Variants in TASP1 observed in about 807,000 individuals in gnomAD.
The protein encoded by TASP1 is threonine aspartase 1.
Under a neutral mutation model 56.6 loss-of-function variants are expected in TASP1, and 16 were observed. The ratio of observed to expected loss-of-function variants is 0.28; its 90% confidence interval spans 0.19 to 0.43. The LOEUF is 0.43. Among genes scored for constraint, TASP1 ranks in the 20% least tolerant of loss-of-function variants. The pLI, the probability that TASP1 is intolerant of heterozygous loss-of-function variation, is 1.00. For synonymous variants in TASP1, 179 were observed against 184.2 expected, an observed-to-expected ratio of 0.97 and a Z score of 0.23; for missense variants, 393 against 511.6, an observed-to-expected ratio of 0.77 and a Z score of 2.24.
intron 11 of TASP1, 93 bp downstream of exon 11, chr20:13,483,134 C>A: frequency 1.1e-6 from 1 of 900,684 alleles, no homozygotes. Context: ...AGAGGTAGGT[C>A]TAGAAATACA....
At chr20:13,272,068 C>T in the TASP1 span, among the ~76,000 whole-genome samples, 1 of 152,200 alleles carries the variant, frequency 6.6e-6, no homozygotes, top group East Asian at 1.9e-4. Flanking sequence ...TATGAGCCAC[C>T]ACAGCCAGCC....
intron 11 of TASP1, among the ~76,000 whole-genome samples, chr20:13,458,581 T>C (rs2043933892): frequency 1.3e-5 from 2 of 152,024 alleles, no homozygotes; most frequent in Admixed American, 1.3e-4. Context: ...CCTTGGATGA[T>C]CCACCTGCCT....
the TASP1 span, chr20:13,167,463 A>C: frequency 4.6e-5 from 7 of 152,220 alleles, no homozygotes; most frequent in African/African-American, 1.7e-4. Context: ...ACACATGCAC[A>C]CACACATACA....
chr20:13,289,447 T>C, the TASP1 span, among the ~76,000 whole-genome samples: 1 of 152,188 alleles, frequency 6.6e-6, no homozygotes, highest in Non-Finnish European at 1.5e-5. Flanking sequence ...GCATTGTCAG[T>C]GCTTCAAAAA....
chr20:13,545,144 G>C (rs184869768), intron 8 of TASP1, among the ~76,000 whole-genome samples: 1 of 152,172 alleles, frequency 6.6e-6, no homozygotes, highest in Admixed American at 6.5e-5. Flanking sequence ...GACGATTAAA[G>C]ATAAGCATAT....
the TASP1 span, among the ~76,000 whole-genome samples, chr20:13,254,124 T>C: frequency 2.6e-5 from 4 of 151,086 alleles, no homozygotes. Context: ...TCCCAGCTAC[T>C]TGGGAGACTG....
At chr20:13,212,783 G>C in the TASP1 span, among the ~76,000 whole-genome samples, 1 of 152,176 alleles carries the variant, frequency 6.6e-6, no homozygotes, top group South Asian at 2.1e-4. Flanking sequence ...TCCAAAACGT[G>C]TAAACAGCTC....
At chr20:13,372,964 T>C in the TASP1 span, among the ~76,000 whole-genome samples, 3 of 152,154 alleles carry the variant, frequency 2.0e-5, no homozygotes, top group Non-Finnish European at 4.4e-5. Flanking sequence ...ATATTACATC[T>C]ATAGATGCCA....
the TASP1 span, chr20:13,221,670 C>A: frequency 1.0e-6 from 1 of 997,096 alleles, no homozygotes; most frequent in Non-Finnish European, 1.3e-6. Context: ...GGAGCCGAGG[C>A]GGGAGCCGCG....
chr20:13,465,341 C>G (rs1414152267), intron 11 of TASP1, among the ~76,000 whole-genome samples: 1 of 151,772 alleles, frequency 6.6e-6, no homozygotes, highest in African/African-American at 2.4e-5. Context: ...TAGTGACAAA[C>G]CTAGCAAAGA....
the TASP1 span, among the ~76,000 whole-genome samples, chr20:13,371,270 G>A: frequency 7.9e-5 from 12 of 151,948 alleles, no homozygotes; most frequent in Non-Finnish European, 1.6e-4. Flanking sequence ...GTTGATATGG[G>A]ATCTTTCTTC....
the TASP1 span, among the ~76,000 whole-genome samples, chr20:13,375,470 A>G: frequency 6.6e-6 from 1 of 152,072 alleles, no homozygotes. Flanking sequence ...CATTTTCTTT[A>G]TCCAGTCTAT....
At chr20:13,202,159 G>A in the TASP1 span, among the ~76,000 whole-genome samples, 1 of 152,180 alleles carries the variant, frequency 6.6e-6, no homozygotes, top group Non-Finnish European at 1.5e-5. Flanking sequence ...AGCTTTGCAG[G>A]GAGAAAGGAA....
rs375701890 is a variant in TASP1 at position 13,396,530 on chromosome 20, G to C, written c.1171-6078C>G. 2.8e-4 allele frequency among the ~76,000 whole-genome samples: 42 copies of C among 152,278 alleles called. No individual in the cohort carries two copies. The East Asian group carries it at 4.8e-3, about 17-fold the overall frequency. On this transcript the variant is annotated intron_variant, in intron 13 of 13. Transcript: ENST00000337743. ...TGAAGACTGGGTTAGATGGTCTCTA[G>C]AGCATCCTTTCAGAGTTTGGACAAT...
intron 10 of TASP1, among the ~76,000 whole-genome samples, chr20:13,514,763 A>T (rs140595505): frequency 8.5e-5 from 13 of 152,186 alleles, no homozygotes; most frequent in African/African-American, 3.1e-4. Context: ...AAAACACAAC[A>T]TACAAATAAG....
chr20:13,164,888 A>G, the TASP1 span: 11 of 1,593,568 alleles, frequency 6.9e-6, no homozygotes, highest in Non-Finnish European at 9.4e-6. Flanking sequence ...CCTGAATGAC[A>G]CATAAAGACT....
intron 6 of TASP1, among the ~76,000 whole-genome samples, chr20:13,574,666 T>G (rs1255712637): frequency 6.6e-6 from 1 of 151,938 alleles, no homozygotes; most frequent in Admixed American, 6.6e-5. Context: ...CTTGTAGAGA[T>G]AAAAATAACA....
At chr20:13,530,558 T>A (rs896007343) in intron 9 of TASP1, among the ~76,000 whole-genome samples, 2 of 152,222 alleles carry the variant, frequency 1.3e-5, no homozygotes, top group Admixed American at 1.3e-4. Flanking sequence ...TATCATCTTT[T>A]ACGTCCCCCA....
At chr20:13,465,741 T>C (rs1433327456) in intron 11 of TASP1, among the ~76,000 whole-genome samples, 4 of 148,650 alleles carry the variant, frequency 2.7e-5, no homozygotes, top group Non-Finnish European at 5.9e-5. Context: ...TCCTAAAAGG[T>C]CACATACTGA....
Sources: gnomAD v4.1 joint callset for allele counts (sites outside exome capture counted in the v4.1 genomes callset) on GRCh38, gnomAD v4.1.1 for gene constraint, MANE v1.5 for transcripts, NCBI Gene and HGNC (gene_info 2026-07-23, HGNC 2026-07-21) for gene names.